ANKS1A: variants seen among roughly 807,000 people sequenced by gnomAD.
The protein encoded by ANKS1A is ankyrin repeat and SAM domain-containing protein 1A.
A neutral mutation model predicts 120.3 loss-of-function variants in ANKS1A; 55 were observed. The ratio of observed to expected loss-of-function variants is 0.46; its 90% confidence interval spans 0.37 to 0.57. The LOEUF is 0.57. ANKS1A is among the 20% of genes least tolerant of loss of function. The pLI, the probability that ANKS1A is intolerant of heterozygous loss-of-function variation, is 0.00. For synonymous variants in ANKS1A, 590 were observed against 604.7 expected (o/e 0.98, Z 0.36); for missense variants, 1,123 against 1,480.3 (o/e 0.76, Z 3.96).
intron 13 of ANKS1A, among the ~76,000 whole-genome samples, chr6:35,068,277 C>T (rs1776884469): frequency 6.6e-6 from 1 of 151,188 alleles, no homozygotes; most frequent in Admixed American, 6.6e-5. Flanking sequence ...GGTCGAGGGC[C>T]AGGAGAAATC....
chr6:34,936,332 T>G (rs1225280442), intron 1 of ANKS1A, among the ~76,000 whole-genome samples: 1 of 152,200 alleles, frequency 6.6e-6, no homozygotes, highest in East Asian at 1.9e-4. Context: ...TGATTGTGCC[T>G]GTCCTCACAG....
chr6:35,051,513 G>A (rs571726174), intron 11 of ANKS1A, among the ~76,000 whole-genome samples: 3 of 152,200 alleles, frequency 2.0e-5, no homozygotes, highest in Non-Finnish European at 4.4e-5. Context: ...CCAGCACGCT[G>A]CATGGCCGTG....
At chr6:35,049,639 G>A (rs2127583017) in intron 11 of ANKS1A, among the ~76,000 whole-genome samples, 1 of 152,298 alleles carries the variant, frequency 6.6e-6, no homozygotes, top group Non-Finnish European at 1.5e-5. Context: ...AGCAGAAAGG[G>A]TGTTAGGAGG....
Position 35,060,395 on chromosome 6 carries a change from C to G in ANKS1A, c.2184+142C>G, listed in dbSNP as rs1239309486. The G allele has an allele frequency of 1.4e-6, 1 of 692,482 alleles. No homozygotes were observed. The highest frequency in any genetic ancestry group is 2.4e-6 in the Non-Finnish European group (1 of 411,450). 42.9% of individuals were successfully genotyped at this position (692,482 alleles called of 1,614,324 possible). ...AAAGCTCACTGAGGTCACTCAGACA[C>G]CAGGAAGTCAGCCAGGTGGTATGTG... On this transcript the variant is annotated intron_variant, in intron 13 of 23. Coordinates refer to ENST00000360359, the MANE Select transcript of ANKS1A (RefSeq NM_015245.3). This position sits in a 1 kb window ranked among gnomAD's most constrained non-coding sequence, Gnocchi z 4.5.
intron 11 of ANKS1A, chr6:35,038,391 A>G (rs1485720297): frequency 4.4e-6 from 2 of 451,628 alleles, no homozygotes; most frequent in Non-Finnish European, 9.0e-6. Flanking sequence ...GAAAGGAGAG[A>G]GTTAAGGGCA....
At chr6:34,897,973 C>G (rs1767174569) in intron 1 of ANKS1A, among the ~76,000 whole-genome samples, 1 of 152,164 alleles carries the variant, frequency 6.6e-6, no homozygotes, top group South Asian at 2.1e-4. Context: ...AATTAAGTCA[C>G]TTTTCTGCGC....
intron 2 of ANKS1A, among the ~76,000 whole-genome samples, chr6:34,968,277 T>C (rs1281501885): frequency 1.3e-5 from 2 of 152,186 alleles, no homozygotes; most frequent in Non-Finnish European, 2.9e-5. Context: ...GATTGGGCAC[T>C]GCCTTTCAGG....
At chr6:35,087,081 C>T (rs763125870) in intron 23 of ANKS1A, 32 bp downstream of exon 23, 2 of 1,591,230 alleles carry the variant, frequency 1.3e-6, no homozygotes, top group South Asian at 2.2e-5. Flanking sequence ...AAACAACCCA[C>T]TCCCTGTCTC....
chr6:34,968,638 A>G (rs1410541290), intron 2 of ANKS1A, among the ~76,000 whole-genome samples: 1 of 152,104 alleles, frequency 6.6e-6, no homozygotes, highest in Non-Finnish European at 1.5e-5. Context: ...GGGTTTCACC[A>G]TGTTGGTCAG....
intron 3 of ANKS1A, among the ~76,000 whole-genome samples, chr6:34,971,042 A>C (rs1271305650): frequency 1.3e-5 from 2 of 152,228 alleles, no homozygotes; most frequent in Non-Finnish European, 2.9e-5. Flanking sequence ...TGCCATTGAC[A>C]TGGCAATGTA....
intron 1 of ANKS1A, among the ~76,000 whole-genome samples, chr6:34,918,000 T>G (rs1768250298): frequency 6.6e-6 from 1 of 152,204 alleles, no homozygotes; most frequent in African/African-American, 2.4e-5. Flanking sequence ...TCAGACTCAC[T>G]CCAGAAATGT....
intron 8 of ANKS1A, among the ~76,000 whole-genome samples, chr6:34,986,614 C>T (rs1432733965): frequency 6.6e-6 from 1 of 152,162 alleles, no homozygotes; most frequent in Non-Finnish European, 1.5e-5. Flanking sequence ...TGCAGGTGTG[C>T]CCTGGGAATG....
intron 12 of ANKS1A, among the ~76,000 whole-genome samples, chr6:35,055,174 C>G (rs1344371737): frequency 6.6e-6 from 1 of 152,184 alleles, no homozygotes; most frequent in African/African-American, 2.4e-5. Flanking sequence ...GGGCTGGGCT[C>G]TGGAGCCTCA....
chr6:35,061,384 A>C (rs1776492008), intron 13 of ANKS1A, among the ~76,000 whole-genome samples: 1 of 152,196 alleles, frequency 6.6e-6, no homozygotes, highest in South Asian at 2.1e-4. Flanking sequence ...CTCCGAGGGG[A>C]TCTCTCTCAC....
At chr6:34,918,995 G>T (rs530864601) in intron 1 of ANKS1A, among the ~76,000 whole-genome samples, 3 of 152,264 alleles carry the variant, frequency 2.0e-5, no homozygotes, top group Non-Finnish European at 2.9e-5. Flanking sequence ...GGGATTACAG[G>T]CGCCTGCCAC....
intron 11 of ANKS1A, among the ~76,000 whole-genome samples, chr6:35,018,979 C>G (rs949006574): frequency 6.6e-6 from 1 of 152,252 alleles, no homozygotes; most frequent in Middle Eastern, 3.4e-3. Context: ...TCCTGCCCAT[C>G]CCACATTCCC....
chr6:34,944,798 G>A (rs1769706064), intron 1 of ANKS1A, among the ~76,000 whole-genome samples: 1 of 152,096 alleles, frequency 6.6e-6, no homozygotes, highest in Non-Finnish European at 1.5e-5. Flanking sequence ...GTTGTTCAAG[G>A]GTCAGCTGTA....
At chr6:34,969,180 A>T (rs1052438790) in intron 2 of ANKS1A, among the ~76,000 whole-genome samples, 11 of 152,198 alleles carry the variant, frequency 7.2e-5, no homozygotes, top group African/African-American at 2.7e-4. Flanking sequence ...ACCAGGAAAA[A>T]AGCAAGTTCC....
intron 14 of ANKS1A, 68 bp from the exon 15 acceptor site, chr6:35,079,448 C>T: frequency 5.7e-6 from 9 of 1,588,194 alleles, no homozygotes; most frequent in Non-Finnish European, 7.7e-6. Flanking sequence ...CTGGCTGGGT[C>T]CATGGTCCTC....
Sources: gnomAD v4.1 joint callset for allele counts (sites outside exome capture counted in the v4.1 genomes callset) on GRCh38, gnomAD v4.1.1 for gene constraint, Gnocchi (gnomAD v3.1) non-coding constraint, MANE v1.5 for transcripts, NCBI Gene and HGNC (gene_info 2026-07-23, HGNC 2026-07-21) for gene names.